The following SORCS3 variants were observed in gnomAD, a reference collection of about 807,000 sequenced individuals.
The protein encoded by SORCS3 is VPS10 domain-containing receptor SorCS3.
Under a neutral mutation model 146.3 loss-of-function variants are expected in SORCS3, and 57 were observed. That is an observed-to-expected ratio of 0.39 (90% CI 0.31 to 0.49). The LOEUF is 0.49. SORCS3 is among the 20% of genes least tolerant of loss of function. SORCS3 has a pLI of 0.92. For missense variants in SORCS3, 1,341 were observed against 1,575.5 expected (o/e 0.85, Z 2.52); for synonymous variants, 653 against 618.5 (o/e 1.06, Z -0.83).
intron 2 of SORCS3, among the ~76,000 whole-genome samples, chr10:104,870,620 C>T (rs1219247642): frequency 1.3e-5 from 2 of 152,094 alleles, no homozygotes; most frequent in African/African-American, 4.8e-5. Flanking sequence ...GAACAAAGGG[C>T]ATGTATCTGC....
At chr10:104,694,913 G>T (rs2016156414) in intron 1 of SORCS3, among the ~76,000 whole-genome samples, 1 of 152,122 alleles carries the variant, frequency 6.6e-6, no homozygotes, top group Non-Finnish European at 1.5e-5. Flanking sequence ...GAAAATGTAG[G>T]TTGTATTTTA....
At chr10:104,988,991 A>G (rs1001017612) in intron 4 of SORCS3, among the ~76,000 whole-genome samples, 14 of 152,230 alleles carry the variant, frequency 9.2e-5, no homozygotes, top group Admixed American at 6.5e-5. Context: ...GCAAAGAAGC[A>G]CCCTTCTCAC....
At chr10:105,076,543 A>G (rs910108023) in intron 5 of SORCS3, among the ~76,000 whole-genome samples, 1 of 152,190 alleles carries the variant, frequency 6.6e-6, no homozygotes, top group Non-Finnish European at 1.5e-5. Flanking sequence ...ACTGGACTCC[A>G]TGCTGGGTGC....
chr10:105,259,712 A>G (rs949287397), intron 25 of SORCS3, among the ~76,000 whole-genome samples: 5 of 152,166 alleles, frequency 3.3e-5, no homozygotes, highest in Non-Finnish European at 4.4e-5. Flanking sequence ...TTGAGCTTCT[A>G]TATTCCTTCC....
intron 19 of SORCS3, among the ~76,000 whole-genome samples, chr10:105,218,050 G>T (rs1333190055): frequency 2.0e-5 from 3 of 152,168 alleles, no homozygotes; most frequent in Non-Finnish European, 4.4e-5. Context: ...ACAACTCAGT[G>T]ATGGCATCAA....
intron 2 of SORCS3, among the ~76,000 whole-genome samples, chr10:104,866,994 C>T (rs932326574): frequency 2.0e-5 from 3 of 152,172 alleles, no homozygotes; most frequent in Non-Finnish European, 4.4e-5. Flanking sequence ...TAAACAGATT[C>T]ATTCCTAGAA....
chr10:104,951,106 C>A (rs1445073714), intron 3 of SORCS3, among the ~76,000 whole-genome samples: 1 of 151,992 alleles, frequency 6.6e-6, no homozygotes, highest in Non-Finnish European at 1.5e-5. Context: ...GGATAATTTC[C>A]TTCTTAGTCT....
intron 14 of SORCS3, among the ~76,000 whole-genome samples, chr10:105,192,589 C>T (rs1027146431): frequency 9.2e-5 from 14 of 152,202 alleles, no homozygotes; most frequent in Non-Finnish European, 1.3e-4. Context: ...AAAAGAAGGA[C>T]GTCCCAGTTG....
intron 3 of SORCS3, among the ~76,000 whole-genome samples, chr10:104,945,585 A>G (rs1029195187): frequency 2.1e-5 from 3 of 143,090 alleles, no homozygotes; most frequent in African/African-American, 8.0e-5. Context: ...TTTTTTTTTA[A>G]TCATGGAAGT....
intron 1 of SORCS3, among the ~76,000 whole-genome samples, chr10:104,774,145 C>T (rs2017282539): frequency 6.6e-6 from 1 of 152,168 alleles, no homozygotes. Context: ...TCCTATAAAA[C>T]ATAAATTGTG....
intron 1 of SORCS3, among the ~76,000 whole-genome samples, chr10:104,751,330 C>T (rs1422012332): frequency 6.6e-6 from 1 of 152,120 alleles, no homozygotes. Flanking sequence ...TAGGATTGGT[C>T]TCAAATGGCA....
chr10:105,077,447 C>T (rs1346110305), intron 5 of SORCS3, among the ~76,000 whole-genome samples: 1 of 151,124 alleles, frequency 6.6e-6, no homozygotes, highest in Non-Finnish European at 1.5e-5. Flanking sequence ...TCATTAAGAT[C>T]GTGCATATTC....
intron 14 of SORCS3, among the ~76,000 whole-genome samples, chr10:105,192,553 G>A (rs2056522671): frequency 6.6e-6 from 1 of 152,096 alleles, no homozygotes; most frequent in African/African-American, 2.4e-5. Context: ...AACTCGAGTT[G>A]CAGGCACTGG....
chr10:104,835,223 G>A (rs2018053476), intron 1 of SORCS3, among the ~76,000 whole-genome samples: 1 of 152,160 alleles, frequency 6.6e-6, no homozygotes, highest in Admixed American at 6.5e-5. Flanking sequence ...GGAGGAAGAT[G>A]CCAAGACTCA....
At chr10:104,814,383 C>T (rs2017773298) in intron 1 of SORCS3, among the ~76,000 whole-genome samples, 1 of 152,314 alleles carries the variant, frequency 6.6e-6, no homozygotes, top group Non-Finnish European at 1.5e-5. Context: ...CACTGACTCA[C>T]CCTCAGCAAC....
chr10:104,666,771 A>AT (rs553712696), intron 1 of SORCS3, among the ~76,000 whole-genome samples: 104 of 151,128 alleles, frequency 6.9e-4, no homozygotes, highest in Admixed American at 2.5e-3. Context: ...ATACCCAACT[A>AT]TTTTTTTTTA....
chr10:105,202,208 A>G (rs562087163), intron 16 of SORCS3, among the ~76,000 whole-genome samples: 67 of 152,192 alleles, frequency 4.4e-4, no homozygotes, highest in African/African-American at 1.5e-3. Flanking sequence ...CACTTAGAAT[A>G]CTCCAATATC....
chr10:105,259,753 T>C (rs1589715437), intron 25 of SORCS3, among the ~76,000 whole-genome samples: 1 of 152,286 alleles, frequency 6.6e-6, no homozygotes, highest in Non-Finnish European at 1.5e-5. Context: ...TTCCTTATAG[T>C]CCAAAGCCCA....
intron 1 of SORCS3, among the ~76,000 whole-genome samples, chr10:104,772,499 G>A (rs2017263391): frequency 6.6e-6 from 1 of 152,204 alleles, no homozygotes; most frequent in Non-Finnish European, 1.5e-5. Flanking sequence ...TCTTAACAAT[G>A]TCTGCTGGGT....
Sources: allele counts gnomAD v4.1 joint callset (sites outside exome capture counted in the v4.1 genomes callset), GRCh38; gene constraint gnomAD v4.1.1; transcripts MANE v1.5; gene names NCBI Gene and HGNC (gene_info 2026-07-23, HGNC 2026-07-21).